Variants in ZNF346 observed in about 807,000 individuals in gnomAD.
ZNF346 encodes the protein double-stranded RNA-binding zinc finger protein JAZ.
Under a neutral mutation model 33.7 loss-of-function variants are expected in ZNF346, and 23 were observed. That is an observed-to-expected ratio of 0.68 (90% CI 0.49 to 0.97). The LOEUF (loss-of-function observed/expected upper bound fraction) is 0.97, where lower values mean the gene tolerates loss of function less well. Ranked by LOEUF, ZNF346 falls within the 50% of genes least tolerant of loss-of-function variation. The pLI is 0.00. For synonymous variants in ZNF346, 134 were observed against 142.4 expected, an observed-to-expected ratio of 0.94 and a Z score of 0.42; for missense variants, 340 against 371.1, an observed-to-expected ratio of 0.92 and a Z score of 0.69.
At chr5:177,072,424 T>G (rs1041353106), downstream of ZNF346, among the ~76,000 whole-genome samples, 1 of 152,166 alleles carries the variant, frequency 6.6e-6, no homozygotes, top group African/African-American at 2.4e-5. Flanking sequence ...CATTCTCAGA[T>G]CCTGTGGTTC....
Position 177,048,170 on chromosome 5 carries a change from C to CATTTTA in ZNF346, c.518-2581_518-2580insATTTTA, listed in dbSNP as rs533711714. 8.0e-4 allele frequency among the ~76,000 whole-genome samples: 122 copies of CATTTTA among 152,104 alleles called. 3 individuals carry two copies. The East Asian group carries it at 0.023, about 28-fold the overall frequency. Reference sequence around the variant, plus strand: ...TTTCAGGTTATTTTCTGAGAACAGACTCTATATCCCTCATTTTATTGGATG... The same window carrying CATTTTA: ...TTTCAGGTTATTTTCTGAGAACAGACATTTTATCTATATCCCTCATTTTATTGGATG... On this transcript the variant is annotated intron_variant, in intron 4 of 6. Coordinates refer to ENST00000358149, the MANE Select transcript of ZNF346 (RefSeq NM_012279.4).
intron 4 of ZNF346, 166 bp from the exon 5 acceptor site, chr5:177,050,585 G>C: frequency 1.5e-6 from 1 of 680,842 alleles, no homozygotes; most frequent in South Asian, 1.8e-5. Context: ...ACTCACACAG[G>C]CAGTGCCACA....
rs181805572 is a variant in ZNF346, at chr5:177,065,013, C to T, written c.*414C>T. 2.2e-3 allele frequency: 374 copies of T among 166,642 alleles called. 1 individual carries two copies. Among genetic ancestry groups the T allele is most frequent in the African/African-American group, 8.5e-3 (359 of 42,078 alleles). 10.3% of individuals were successfully genotyped at this position (166,642 alleles called of 1,614,324 possible). On this transcript the variant is annotated 3_prime_UTR_variant, in exon 7 of 7. Transcript: ENST00000358149. Reference sequence around the variant, plus strand: ...CATTTCCAGCAAAACCTGGAACTTTCATGCCAAACCTGGGGCAGGGCAGGA... The same window carrying T: ...CATTTCCAGCAAAACCTGGAACTTTTATGCCAAACCTGGGGCAGGGCAGGA...
At chr5:177,069,474 G>GT (rs1307143652), downstream of ZNF346, among the ~76,000 whole-genome samples, 3 of 151,128 alleles carry the variant, frequency 2.0e-5, no homozygotes, top group Non-Finnish European at 4.4e-5. Context: ...AACAAGTTGA[G>GT]TTTTTTCGTG....
At chr5:177,035,633 C>CTTTTT (rs57259759) in intron 1 of ZNF346, among the ~76,000 whole-genome samples, 2 of 102,048 alleles carry the variant, frequency 2.0e-5, no homozygotes, top group Non-Finnish European at 3.8e-5. Flanking sequence ...GGCTAATTGA[C>CTTTTT]TTTTTTTTTT....
chr5:177,070,017 A>T (rs1159615471), downstream of ZNF346, among the ~76,000 whole-genome samples: 1 of 151,764 alleles, frequency 6.6e-6, no homozygotes, highest in Non-Finnish European at 1.5e-5. Flanking sequence ...TATCATAAAT[A>T]AAACTGCTGT....
chr5:177,064,577 A>G lies in ZNF346; in HGVS notation c.863A>G (p.Asp288Gly). The G allele has an allele frequency of 6.2e-7, 1 of 1,614,082 alleles. No homozygotes were observed. Among genetic ancestry groups the G allele is most frequent in the Non-Finnish European group, 8.5e-7 (1 of 1,179,982 alleles). The change falls in exon 7 of 7, where the codon GAC (aspartate) becomes GGC (glycine). Residue 288 changes from aspartate to glycine, a missense_variant. Asp to Gly is a moderately conservative substitution (Grantham distance 94). Coordinates refer to ENST00000358149, the MANE Select transcript of ZNF346 (RefSeq NM_012279.4). ...IPMQRQPIQK[D>G]STTLED ...ATGCAAAGGCAACCCATTCAGAAAG[A>G]CTCAACCACCTTGGAAGACTAGAGG...
chr5:177,029,616 G>T (rs941955185), intron 1 of ZNF346, among the ~76,000 whole-genome samples: 7 of 152,190 alleles, frequency 4.6e-5, no homozygotes, highest in African/African-American at 2.4e-5. Flanking sequence ...AAGTTTTAGG[G>T]CAGGAATGAA....
chr5:177,022,712 C>G lies in ZNF346; in HGVS notation c.-27C>G, dbSNP rs1178349751. On this transcript the variant is annotated 5_prime_UTR_variant, in exon 1 of 7. Coordinates refer to ENST00000358149, the MANE Select transcript of ZNF346 (RefSeq NM_012279.4). ...GCGATACCTAGGCGCCTGAGAGGCT[C>G]TCTACCGGTGAGGGTTTGCGGGGAA... 6.5e-7 allele frequency: 1 copy of G among 1,528,466 alleles called. No homozygotes were observed. 94.7% of individuals were successfully genotyped at this position (1,528,466 alleles called of 1,614,324 possible).
chr5:177,037,459 A>G (rs1386803426), intron 1 of ZNF346, among the ~76,000 whole-genome samples: 1 of 152,122 alleles, frequency 6.6e-6, no homozygotes, highest in Admixed American at 6.6e-5. Context: ...TCACATAACG[A>G]AAAGTCTTTA....
chr5:177,073,483 T>C (rs1252975096), intron 8 of ZNF346, among the ~76,000 whole-genome samples: 1 of 152,036 alleles, frequency 6.6e-6, no homozygotes, highest in South Asian at 2.1e-4. Context: ...ATCTTATTTT[T>C]TGTAGACACA....
At chr5:177,057,797 CTTATTTA>C (rs1457699245) in intron 5 of ZNF346, among the ~76,000 whole-genome samples, 7 of 133,264 alleles carry the variant, frequency 5.3e-5, no homozygotes, top group Non-Finnish European at 1.6e-5. Context: ...CATAGATTTT[CTTATTTA>C]TTTATTTATT....
At chr5:177,040,454 C>A (rs542187580) in intron 1 of ZNF346, among the ~76,000 whole-genome samples, 1 of 152,108 alleles carries the variant, frequency 6.6e-6, no homozygotes, top group East Asian at 1.9e-4. Flanking sequence ...AAACAATTCT[C>A]CTGCCTCAGC....
intron 1 of ZNF346, among the ~76,000 whole-genome samples, chr5:177,026,927 G>A (rs1315282486): frequency 6.6e-6 from 1 of 152,084 alleles, no homozygotes; most frequent in African/African-American, 2.4e-5. Context: ...CCCACTTGTG[G>A]CAATAGCAAG....
chr5:177,071,555 G>A (rs1162399791), downstream of ZNF346, among the ~76,000 whole-genome samples: 1 of 151,318 alleles, frequency 6.6e-6, no homozygotes, highest in South Asian at 2.1e-4. Context: ...TCGTAGTGGC[G>A]GGTGCCTGTA....
intron 5 of ZNF346, among the ~76,000 whole-genome samples, chr5:177,055,322 A>C (rs1024359556): frequency 1.3e-5 from 2 of 152,018 alleles, no homozygotes; most frequent in African/African-American, 4.8e-5. Flanking sequence ...GTGCGAACCC[A>C]CCACACTCGG....
In ZNF346 at chr5:177,041,123, T is replaced by C. The variant is rs1244818468; in HGVS notation, c.176-3T>C. 1 of 1,611,470 alleles carries C rather than the reference T, an allele frequency of 6.2e-7. No individual in the cohort carries two copies. The highest frequency in any genetic ancestry group is 1.3e-5 in the African/African-American group (1 of 74,854). ...CAATGATTTCTTGTTTTCCCCTCTATAGTGGAGCACATGATCCAGAAGAAC... is the reference window on the plus strand; with the variant it reads ...CAATGATTTCTTGTTTTCCCCTCTACAGTGGAGCACATGATCCAGAAGAAC... On this transcript the variant is annotated splice_region_variant and splice_polypyrimidine_tract_variant and intron_variant, in intron 1 of 6. Transcript: ENST00000358149.
intron 1 of ZNF346, among the ~76,000 whole-genome samples, chr5:177,035,942 T>C (rs1778443677): frequency 2.0e-5 from 3 of 151,286 alleles, no homozygotes; most frequent in South Asian, 4.2e-4. Flanking sequence ...CCCGGCCTAA[T>C]TGACAATTTT....
At chr5:177,042,115 A>G (rs571486482) in intron 3 of ZNF346, 16 of 388,580 alleles carry the variant, frequency 4.1e-5, no homozygotes, top group African/African-American at 3.0e-4. Flanking sequence ...CCCAATTCAG[A>G]GCCTGGCACA....
Sources: allele counts gnomAD v4.1 joint callset (sites outside exome capture counted in the v4.1 genomes callset), GRCh38; gene constraint gnomAD v4.1.1; transcripts MANE v1.5; gene names NCBI Gene and HGNC (gene_info 2026-07-23, HGNC 2026-07-21).